LPCAT2: variants seen among roughly 807,000 people sequenced by gnomAD.
LPCAT2 encodes the protein lysophosphatidylcholine acyltransferase 2, also known as 1-AGP acyltransferase 11.
Under a neutral mutation model 64.7 loss-of-function variants are expected in LPCAT2, and 58 were observed. The ratio of observed to expected loss-of-function variants is 0.90; its 90% CI spans 0.73 to 1.12. The LOEUF (loss-of-function observed/expected upper bound fraction) is 1.12, where lower values mean the gene tolerates loss of function less well. LPCAT2 is among the 50% of genes most tolerant of loss of function. The pLI, the probability that LPCAT2 is intolerant of heterozygous loss-of-function variation, is 0.00. For missense variants in LPCAT2, 579 were observed against 669.8 expected, an observed-to-expected ratio of 0.86 and a Z score of 1.50; for synonymous variants, 252 against 245.3, an observed-to-expected ratio of 1.03 and a Z score of -0.26.
chr16:55,567,588 C>CTGTTGT (rs1161116897), intron 11 of LPCAT2: 2 of 1,331,196 alleles, frequency 1.5e-6, no homozygotes, highest in African/African-American at 2.9e-5. Context: ...ATACCCTGTG[C>CTGTTGT]AACAGCTCTC....
chr16:55,525,479 C>A (rs1963156373), intron 1 of LPCAT2, 29 bp from the exon 2 acceptor site: 2 of 1,584,772 alleles, frequency 1.3e-6, no homozygotes, highest in East Asian at 4.5e-5. Flanking sequence ...AATGTCCATT[C>A]ATTTATTTTT....
chr16:55,519,212 G>A (rs1394759534), intron 1 of LPCAT2, among the ~76,000 whole-genome samples: 1 of 152,018 alleles, frequency 6.6e-6, no homozygotes, highest in Non-Finnish European at 1.5e-5. Flanking sequence ...TCAAGAAATG[G>A]TAAAGAGGCC....
intron 8 of LPCAT2, among the ~76,000 whole-genome samples, chr16:55,544,413 A>G (rs578112946): frequency 5.9e-5 from 9 of 152,284 alleles, no homozygotes; most frequent in Non-Finnish European, 1.0e-4. Flanking sequence ...GATTTAGCTC[A>G]CTGTTTCATA....
intron 13 of LPCAT2, among the ~76,000 whole-genome samples, chr16:55,580,704 G>GGGTCC (rs1963878366): frequency 6.6e-6 from 1 of 152,182 alleles, no homozygotes; most frequent in Non-Finnish European, 1.5e-5. Context: ...CTTAGGCCAT[G>GGGTCC]GACCGGTGCC....
At chr16:55,544,383 GA>G (rs1963430057) in intron 8 of LPCAT2, among the ~76,000 whole-genome samples, 1 of 152,130 alleles carries the variant, frequency 6.6e-6, no homozygotes, top group Non-Finnish European at 1.5e-5. Context: ...ATGTTTAATG[GA>G]TGGTAACTCT....
At chr16:55,531,249 C>A (rs2142381746) in intron 4 of LPCAT2, among the ~76,000 whole-genome samples, 1 of 152,194 alleles carries the variant, frequency 6.6e-6, no homozygotes, top group South Asian at 2.1e-4. Context: ...TTATTTTATT[C>A]ACTTAGCAAT....
rs745765430 is a variant in LPCAT2 at position 55,579,236 on chromosome 16, T to A, written c.1442T>A (p.Ile481Asn). Residue 481 changes from isoleucine (I) to asparagine (N), a missense_variant, in exon 13 of 14, where the codon ATT (isoleucine) becomes AAT (asparagine). Transcript: ENST00000262134. ...AAGGAAATAGCCCAAGGGGACTCAA[T>A]TTCCTATGGTGAGTAGGCAATCTGG... ...LFKEIAQGDS[I>N]SYEEFKSFAL... 1 of 1,612,604 alleles carries A rather than the reference T, an allele frequency of 6.2e-7. No homozygotes were observed. Among genetic ancestry groups the A allele is most frequent in the Non-Finnish European group, 8.5e-7 (1 of 1,179,334 alleles).
In LPCAT2 at chr16:55,583,229, T is replaced by G. The variant is rs1963907307; in HGVS notation, c.*131T>G. 1.4e-6 allele frequency: 1 copy of G among 732,888 alleles called. No individual in the cohort carries two copies. The highest frequency in any genetic ancestry group is 2.1e-6 in the Non-Finnish European group (1 of 479,708). 45.4% of individuals were successfully genotyped at this position (732,888 alleles called of 1,614,324 possible). The stretch of plus-strand genomic sequence containing the variant: ...GATTTTTAAAACAAAAATGATAGAT[T>G]TTCTTACTAAAAATGTTTTTATTAA... On this transcript the variant is annotated 3_prime_UTR_variant, in exon 14 of 14. Coordinates refer to ENST00000262134, the MANE Select transcript of LPCAT2 (RefSeq NM_017839.5).
At chr16:55,522,259 C>T (rs1303122482) in intron 1 of LPCAT2, among the ~76,000 whole-genome samples, 1 of 151,584 alleles carries the variant, frequency 6.6e-6, no homozygotes, top group Admixed American at 6.6e-5. Flanking sequence ...AATAAAATGA[C>T]ATTAAATACT....
At position 55,549,237 on chromosome 16, in the gene LPCAT2, T is replaced by TAA. The variant is rs1555496863; in HGVS notation, c.936-33_936-32dup. On this transcript the variant is annotated intron_variant, in intron 9 of 13. Transcript: ENST00000262134. ...AGTGAAATATGATTACTTTTTTTTT[T>TAA]AAAAAAAATGAATTTTAGTTTGCTT... The TAA allele has an allele frequency of 2.3e-3, 3,011 of 1,332,452 alleles. 42 individuals are homozygous for TAA. In the East Asian group the frequency reaches 0.031, roughly 14 times the overall value. The allele number at this position is 1,332,452 out of a possible 1,614,324, so 82.5% of individuals were successfully genotyped here. A position where few individuals can be genotyped will look rare whatever the true frequency, so the allele number is the denominator to read the frequency against.
At chr16:55,566,357 T>C (rs1259817357) in intron 11 of LPCAT2, among the ~76,000 whole-genome samples, 1 of 152,216 alleles carries the variant, frequency 6.6e-6, no homozygotes, top group Non-Finnish European at 1.5e-5. Context: ...GAATAAATTT[T>C]TGATTTCCTT....
intron 11 of LPCAT2, among the ~76,000 whole-genome samples, chr16:55,553,745 A>C (rs1963544516): frequency 6.6e-6 from 1 of 152,200 alleles, no homozygotes; most frequent in South Asian, 2.1e-4. Flanking sequence ...CTTTGCCCAA[A>C]TCCACCAGAA....
intron 4 of LPCAT2, 133 bp downstream of exon 4, chr16:55,530,080 C>T (rs554184457): frequency 2.3e-5 from 13 of 565,536 alleles, no homozygotes; most frequent in Middle Eastern, 3.5e-4. Context: ...ATAATAGATG[C>T]AGAGTAAATA....
chr16:55,529,658 T>A (rs1403073341), intron 3 of LPCAT2, among the ~76,000 whole-genome samples, 177 bp from the exon 4 acceptor site: 2 of 152,232 alleles, frequency 1.3e-5, no homozygotes, highest in Non-Finnish European at 2.9e-5. Context: ...ATGTTTTTAG[T>A]TGTAAATATC....
intron 9 of LPCAT2, 102 bp from the exon 10 acceptor site, chr16:55,549,174 CT>C: frequency 1.1e-6 from 1 of 902,204 alleles, no homozygotes; most frequent in Non-Finnish European, 1.6e-6. Flanking sequence ...GTAGTAAATA[CT>C]TTTTCATTTG....
chr16:55,549,460 T>A, intron 10 of LPCAT2, 58 bp downstream of exon 10: 1 of 1,460,270 alleles, frequency 6.8e-7, no homozygotes, highest in Non-Finnish European at 9.2e-7. Context: ...GGATCTGAAA[T>A]CCTGTTTATT....
At chr16:55,517,341 C>G (rs1395849115) in intron 1 of LPCAT2, among the ~76,000 whole-genome samples, 2 of 151,900 alleles carry the variant, frequency 1.3e-5, no homozygotes, top group East Asian at 3.8e-4. Flanking sequence ...AAAAGATTAA[C>G]TAGTTATTAA....
chr16:55,511,574 A>T (rs1008328460), intron 1 of LPCAT2, among the ~76,000 whole-genome samples: 4 of 152,250 alleles, frequency 2.6e-5, no homozygotes, highest in African/African-American at 9.6e-5. Flanking sequence ...AGTAAGTGTA[A>T]TGAAGGAAAA....
chr16:55,567,061 A>G (rs1454533886), intron 11 of LPCAT2: 1 of 1,613,746 alleles, frequency 6.2e-7, no homozygotes, highest in Non-Finnish European at 8.5e-7. Flanking sequence ...GATCTGATGA[A>G]TATTCTCAAC....
Sources: allele counts gnomAD v4.1 joint callset (sites outside exome capture counted in the v4.1 genomes callset), GRCh38; gene constraint gnomAD v4.1.1; transcripts MANE v1.5; gene names NCBI Gene and HGNC (gene_info 2026-07-23, HGNC 2026-07-21).